CACNA2D3: variants seen among roughly 807,000 people sequenced by gnomAD.
The protein encoded by CACNA2D3 is voltage-dependent calcium channel subunit alpha-2/delta-3.
In CACNA2D3, 60 loss-of-function variants were observed where a neutral mutation model predicts 160.6. That is an observed-to-expected ratio of 0.37 (90% CI 0.30 to 0.46). The LOEUF is 0.46. CACNA2D3 is among the 20% of genes least tolerant of loss of function. The pLI is 1.00. For synonymous variants in CACNA2D3, 558 were observed against 492.9 expected, an observed-to-expected ratio of 1.13 and a Z score of -1.75; for missense variants, 1,205 against 1,365.0, an observed-to-expected ratio of 0.88 and a Z score of 1.85.
intron 27 of CACNA2D3, among the ~76,000 whole-genome samples, chr3:54,934,516 C>A (rs1701281869): frequency 6.6e-6 from 1 of 152,128 alleles, no homozygotes; most frequent in African/African-American, 2.4e-5. Flanking sequence ...CTTTAGCAGG[C>A]CTTGAGTTGC....
chr3:54,359,074 T>A (rs567627926), intron 3 of CACNA2D3, among the ~76,000 whole-genome samples: 1 of 152,190 alleles, frequency 6.6e-6, no homozygotes, highest in South Asian at 2.1e-4. Flanking sequence ...CTATGCATTA[T>A]GGGAGAAATG....
At chr3:54,400,055 C>T (rs1238325390) in intron 4 of CACNA2D3, among the ~76,000 whole-genome samples, 2 of 134,236 alleles carry the variant, frequency 1.5e-5, no homozygotes, top group Non-Finnish European at 3.2e-5. Flanking sequence ...TGGGAGTGAC[C>T]CGATTTTCCA....
intron 2 of CACNA2D3, among the ~76,000 whole-genome samples, chr3:54,158,491 C>T (rs924199036): frequency 5.3e-5 from 8 of 152,166 alleles, no homozygotes; most frequent in African/African-American, 1.9e-4. Flanking sequence ...GTCTTCTCTC[C>T]AGGATAAACC....
chr3:54,586,608 G>A (rs577885820), intron 9 of CACNA2D3, among the ~76,000 whole-genome samples: 4 of 152,238 alleles, frequency 2.6e-5, no homozygotes, highest in Admixed American at 6.5e-5. Context: ...GTCACCAGTT[G>A]ATAGGCTACT....
chr3:54,409,443 A>G (rs1472203943), intron 4 of CACNA2D3, among the ~76,000 whole-genome samples: 1 of 152,190 alleles, frequency 6.6e-6, no homozygotes, highest in Non-Finnish European at 1.5e-5. Flanking sequence ...CTGAGACACA[A>G]GAATATTGAA....
At chr3:54,626,656 A>C in intron 9 of CACNA2D3, 1 of 813,132 alleles carries the variant, frequency 1.2e-6, no homozygotes, top group Non-Finnish European at 2.1e-6. Context: ...GCAGTGGCTC[A>C]GCTAATAAAG....
intron 4 of CACNA2D3, among the ~76,000 whole-genome samples, chr3:54,449,571 G>T (rs957939135): frequency 2.0e-5 from 3 of 152,180 alleles, no homozygotes; most frequent in Non-Finnish European, 4.4e-5. Context: ...TGGAGGTGGG[G>T]CCTGGTGGGA....
chr3:54,729,052 A>G (rs548827639), intron 11 of CACNA2D3, among the ~76,000 whole-genome samples: 2 of 152,088 alleles, frequency 1.3e-5, no homozygotes, highest in South Asian at 2.1e-4. Flanking sequence ...GCCTGAACCC[A>G]TTTTTTTGGT....
intron 9 of CACNA2D3, among the ~76,000 whole-genome samples, chr3:54,612,695 C>T (rs1698767953): frequency 6.6e-6 from 1 of 152,112 alleles, no homozygotes. Flanking sequence ...TAGATAAGGT[C>T]CAGGGCGCTG....
intron 16 of CACNA2D3, among the ~76,000 whole-genome samples, chr3:54,843,945 A>G (rs1391776820): frequency 3.3e-5 from 5 of 152,108 alleles, no homozygotes; most frequent in African/African-American, 4.8e-5. Flanking sequence ...TGCCAGAGCA[A>G]TGGCCAAGAA....
At chr3:54,853,457 G>A (rs774023352) in intron 17 of CACNA2D3, among the ~76,000 whole-genome samples, 9 of 152,186 alleles carry the variant, frequency 5.9e-5, no homozygotes, top group Non-Finnish European at 1.0e-4. Flanking sequence ...TCCTTGCTAC[G>A]TCGGGTGCAG....
chr3:54,876,420 A>C (rs1156589916), intron 18 of CACNA2D3: 1 of 152,220 alleles, frequency 6.6e-6, no homozygotes, highest in African/African-American at 2.4e-5. Flanking sequence ...GGCAAGGAGG[A>C]CAGAAAGCCA....
intron 2 of CACNA2D3, among the ~76,000 whole-genome samples, chr3:54,239,720 A>G (rs1357191564): frequency 6.6e-6 from 1 of 152,242 alleles, no homozygotes; most frequent in African/African-American, 2.4e-5. Context: ...CATAGGAGAT[A>G]ATAACAGTGT....
chr3:54,917,707 A>T (rs1343146680), intron 27 of CACNA2D3, among the ~76,000 whole-genome samples: 1 of 152,186 alleles, frequency 6.6e-6, no homozygotes, highest in Admixed American at 6.5e-5. Flanking sequence ...TTTTGGTAAT[A>T]TCTGCCCCAA....
chr3:54,355,556 A>T (rs1698634515), intron 3 of CACNA2D3, among the ~76,000 whole-genome samples: 1 of 151,192 alleles, frequency 6.6e-6, no homozygotes, highest in Non-Finnish European at 1.5e-5. Flanking sequence ...ATGGGGGAGC[A>T]TGTGTTGGCC....
intron 11 of CACNA2D3, among the ~76,000 whole-genome samples, chr3:54,688,217 A>C (rs138681440): frequency 6.6e-6 from 1 of 152,308 alleles, no homozygotes; most frequent in East Asian, 1.9e-4. Flanking sequence ...ACTTTGTATT[A>C]ATTGGTCAGA....
At chr3:54,610,444 T>TG (rs1384351709) in intron 9 of CACNA2D3, among the ~76,000 whole-genome samples, 1 of 152,014 alleles carries the variant, frequency 6.6e-6, no homozygotes, top group Non-Finnish European at 1.5e-5. Context: ...TAATGCTTTT[T>TG]TTTTTTTAAG....
chr3:54,787,610 T>A (rs1334310783), intron 13 of CACNA2D3, among the ~76,000 whole-genome samples: 2 of 152,162 alleles, frequency 1.3e-5, no homozygotes, highest in African/African-American at 2.4e-5. Context: ...GCCTTTGAGT[T>A]TATATACTGT....
chr3:54,176,143 G>A (rs1018665496), intron 2 of CACNA2D3, among the ~76,000 whole-genome samples: 2 of 152,210 alleles, frequency 1.3e-5, no homozygotes, highest in African/African-American at 2.4e-5. Flanking sequence ...TGGGGTGTCA[G>A]TTTCTGAGCC....
Sources: allele counts gnomAD v4.1 joint callset (sites outside exome capture counted in the v4.1 genomes callset), GRCh38; gene constraint gnomAD v4.1.1; transcripts MANE v1.5; gene names NCBI Gene and HGNC (gene_info 2026-07-23, HGNC 2026-07-21).